TM2D1: variants seen among roughly 807,000 people sequenced by gnomAD.
TM2D1 encodes TM2 domain containing 1.
A neutral mutation model predicts 28.4 loss-of-function variants in TM2D1; 15 were observed. The observed-to-expected ratio is 0.53, with a 90% CI of 0.35 to 0.81. The LOEUF (loss-of-function observed/expected upper bound fraction) is 0.81, where lower values mean the gene tolerates loss of function less well. TM2D1 is among the 40% of genes least tolerant of loss of function. The probability of loss-of-function intolerance (pLI) is 0.01; values close to 1 mark genes in which losing one functional copy is unlikely to be tolerated. For synonymous variants in TM2D1, 93 were observed against 96.2 expected (o/e 0.97, Z 0.20); for missense variants, 236 against 254.9 (o/e 0.93, Z 0.50).
intron 2 of TM2D1, among the ~76,000 whole-genome samples, chr1:61,720,779 T>C (rs896602806): frequency 6.6e-6 from 1 of 152,180 alleles, no homozygotes; most frequent in Non-Finnish European, 1.5e-5. Flanking sequence ...TGAATGATAC[T>C]GAGCTAACCA....
chr1:61,708,320 GATTACAA>G (rs1238864055), intron 3 of TM2D1, among the ~76,000 whole-genome samples: 1 of 152,154 alleles, frequency 6.6e-6, no homozygotes, highest in Non-Finnish European at 1.5e-5. Context: ...AAAGTGCTGG[GATTACAA>G]GTGTAAGCCA....
chr1:61,702,519 C>A (rs562560880), intron 3 of TM2D1, among the ~76,000 whole-genome samples: 85 of 150,970 alleles, frequency 5.6e-4, no homozygotes, highest in Admixed American at 3.1e-3. Context: ...CAGGCGCACA[C>A]CACCACAGCT....
In TM2D1 at chr1:61,701,027, T is replaced by C; in HGVS notation, c.348-2A>G. ...GCCACTTTGTAGGAATAGCCATTTC[T>C]GCAAAAAATTAAAATCTGAGTATCA... On this transcript the variant is annotated splice_acceptor_variant, in intron 3 of 6. Coordinates refer to ENST00000606498, the MANE Select transcript of TM2D1 (RefSeq NM_032027.3). LOFTEE classifies it high-confidence loss of function. 2 of 1,606,330 alleles carry C rather than the reference T, an allele frequency of 1.2e-6. No homozygotes were observed. Among genetic ancestry groups the C allele is most frequent in the Non-Finnish European group, 8.5e-7 (1 of 1,176,864 alleles).
Position 61,723,721 on chromosome 1 carries a change from G to A in TM2D1, c.230C>T (p.Thr77Ile), listed in dbSNP as rs1644584306. Residue 77 changes from threonine (T) to isoleucine (I), a missense_variant, in exon 2 of 7, where the codon ACA becomes ATA. By Grantham distance (89) the Thr-to-Ile change is moderately conservative (BLOSUM62 -1). Around this residue, in one of 3 missense-constraint regions of TM2D1, gnomAD observed 167 missense variants for 162.7 expected, o/e 1.03. Transcript: ENST00000606498. ...TQEPVNCTNY[T>I]AHVSCFPAPN... ...GTTTCTTGAAGTCTTACCATGAGCT[G>A]TGTAGTTTGTACAGTTAACTGGTTC... The A allele has an allele frequency of 1.3e-6, 2 of 1,537,114 alleles. No individual in the cohort carries two copies. The highest frequency in any genetic ancestry group is 1.9e-5 in the Admixed American group (1 of 53,944).
intron 2 of TM2D1, among the ~76,000 whole-genome samples, chr1:61,721,561 A>G (rs1644565439): frequency 6.6e-6 from 1 of 151,064 alleles, no homozygotes; most frequent in Admixed American, 6.6e-5. Context: ...AAAAAAGAAA[A>G]AAGAAAAAGA....
chr1:61,715,846 G>A (rs1421033251), intron 2 of TM2D1, among the ~76,000 whole-genome samples: 1 of 150,842 alleles, frequency 6.6e-6, no homozygotes, highest in Non-Finnish European at 1.5e-5. Context: ...CTGTCACCCA[G>A]GCTGGAGTAC....
chr1:61,718,522 C>T (rs1428948364), intron 2 of TM2D1, among the ~76,000 whole-genome samples: 1 of 152,108 alleles, frequency 6.6e-6, no homozygotes, highest in Non-Finnish European at 1.5e-5. Context: ...GGATGTAAAT[C>T]TAGGGGTGGT....
chr1:61,716,376 T>C (rs1557539211), intron 2 of TM2D1, among the ~76,000 whole-genome samples: 1 of 146,064 alleles, frequency 6.8e-6, no homozygotes, highest in East Asian at 2.0e-4. Flanking sequence ...TATATAATTA[T>C]ATAATTTTAT....
intron 4 of TM2D1, among the ~76,000 whole-genome samples, chr1:61,700,605 G>A (rs1051655818): frequency 1.3e-5 from 2 of 152,160 alleles, no homozygotes; most frequent in Non-Finnish European, 2.9e-5. Context: ...AGTGGTAGAG[G>A]ATGTACATTT....
chr1:61,709,937 G>A (rs974010970), intron 2 of TM2D1, among the ~76,000 whole-genome samples: 8 of 151,964 alleles, frequency 5.3e-5, no homozygotes, highest in Non-Finnish European at 1.2e-4. Flanking sequence ...ATTCCCTCTG[G>A]GGTTTGATAT....
intron 2 of TM2D1, among the ~76,000 whole-genome samples, chr1:61,710,433 AAAAAAAAAAAAAAT>A (rs1291631581): frequency 7.9e-5 from 10 of 126,802 alleles, no homozygotes; most frequent in Non-Finnish European, 1.3e-4. Flanking sequence ...CCCAAAAAAA[AAAAAAAAAAAAAAT>A]GTATATATAT....
chr1:61,701,964 G>A (rs1423670648), intron 3 of TM2D1, among the ~76,000 whole-genome samples: 3 of 152,130 alleles, frequency 2.0e-5, no homozygotes, highest in Non-Finnish European at 4.4e-5. Flanking sequence ...GCCGAGGCAG[G>A]TGGATCACTG....
At chr1:61,710,487 CACACATAT>C (rs1644470447) in intron 2 of TM2D1, among the ~76,000 whole-genome samples, 1 of 90,766 alleles carries the variant, frequency 1.1e-5, no homozygotes, top group Non-Finnish European at 2.1e-5. Context: ...CACACACACA[CACACATAT>C]ACACACATAC....
At chr1:61,723,920 C>T (rs894257413) in intron 1 of TM2D1, 134 bp from the exon 2 acceptor site, 10 of 473,940 alleles carry the variant, frequency 2.1e-5, no homozygotes, top group African/African-American at 2.0e-4. Context: ...AGTCAATAAG[C>T]ATATGTACAA....
intron 3 of TM2D1, among the ~76,000 whole-genome samples, chr1:61,701,564 TG>T (rs1360356169): frequency 6.6e-5 from 10 of 151,258 alleles, no homozygotes; most frequent in Non-Finnish European, 1.2e-4. Context: ...TTCGTGTGTG[TG>T]TGTGTGTGTG....
Position 61,683,546 on chromosome 1 carries a change from T to C in TM2D1, c.514A>G (p.Ile172Val), listed in dbSNP as rs775322312. 2 of 1,413,478 alleles carry C rather than the reference T, an allele frequency of 1.4e-6. No homozygotes were observed. The highest frequency in any genetic ancestry group is 1.9e-6 in the Non-Finnish European group (2 of 1,051,402). 87.6% of individuals were successfully genotyped at this position (1,413,478 alleles called of 1,614,324 possible). Residue 172 changes from isoleucine to valine, a missense_variant and splice_region_variant, in exon 6 of 7, where the codon ATT (isoleucine) becomes GTT (valine). By Grantham distance (29) the Ile-to-Val change is conservative (BLOSUM62 3). This residue lies in a region of TM2D1 where 64 missense variants were observed against 73.1 expected (regional missense o/e 0.88). Transcript: ENST00000606498. Reference protein sequence around the residue: ...LIDFILISMQIVGPSDGSSYI... With the variant: ...LIDFILISMQVVGPSDGSSYI... Reference sequence around the variant, plus strand: ...CTACTTCCATCTGAAGGTCCAACAATCTAGAAGAGACAAAATTTCAAAATT... The same window carrying C: ...CTACTTCCATCTGAAGGTCCAACAACCTAGAAGAGACAAAATTTCAAAATT...
intron 5 of TM2D1, among the ~76,000 whole-genome samples, chr1:61,691,625 A>C (rs1215731645): frequency 6.6e-6 from 1 of 151,702 alleles, no homozygotes; most frequent in Non-Finnish European, 1.5e-5. Context: ...ATATATAAAA[A>C]TATAAGGAGG....
chr1:61,709,184 C>T (rs1644460352), intron 3 of TM2D1, 145 bp downstream of exon 3: 1 of 572,998 alleles, frequency 1.7e-6, no homozygotes, highest in Non-Finnish European at 3.1e-6. Context: ...AAAACAAACA[C>T]TTAAAATAAA....
intron 1 of TM2D1, 35 bp downstream of exon 1, chr1:61,724,922 C>T (rs1415538226): frequency 1.9e-6 from 3 of 1,550,020 alleles, no homozygotes; most frequent in East Asian, 4.6e-5. Flanking sequence ...AACTCTACCT[C>T]GCCTCCATGG....
Sources: gnomAD v4.1 joint callset for allele counts (sites outside exome capture counted in the v4.1 genomes callset) on GRCh38, gnomAD v4.1.1 for gene constraint, gnomAD v4.1.1 regional missense constraint, MANE v1.5 for transcripts, NCBI Gene and HGNC (gene_info 2026-07-23, HGNC 2026-07-21) for gene names.